The following CIB4 variants were observed in gnomAD, a reference collection of about 807,000 sequenced individuals.
CIB4 encodes the protein calcium and integrin binding family member 4, also known as calcium and integrin-binding family member 4.
A neutral mutation model predicts 25.8 loss-of-function variants in CIB4; 25 were observed. That is an observed-to-expected ratio of 0.97 (90% CI 0.71 to 1.35). The LOEUF is 1.35. CIB4 is among the 40% of genes most tolerant of loss of function. The pLI, the probability that CIB4 is intolerant of heterozygous loss-of-function variation, is 0.00. For synonymous variants in CIB4, 75 were observed against 81.4 expected (o/e 0.92, Z 0.42); for missense variants, 235 against 228.2 (o/e 1.03, Z -0.19).
At position 26,640,515 on chromosome 2, in the gene CIB4, G is replaced by C; in HGVS notation, c.89+18C>G. 1 of 1,612,538 alleles carries C rather than the reference G, an allele frequency of 6.2e-7. No homozygotes were observed. Among genetic ancestry groups the C allele is most frequent in the Non-Finnish European group, 8.5e-7 (1 of 1,179,142 alleles). ...GGAGGAGCTGGGAGAAGGAAAGAGG[G>C]GCGGGGCTTCTACTCACCACAGAAT... On this transcript the variant is annotated intron_variant, in intron 2 of 6. Transcript: ENST00000288861.
At chr2:26,589,281 T>TTCC (rs966342991) in intron 4 of CIB4, among the ~76,000 whole-genome samples, 8 of 148,882 alleles carry the variant, frequency 5.4e-5, no homozygotes, top group South Asian at 2.2e-4. Context: ...TCCTCCTTCT[T>TTCC]TCCTCCTCCT....
At chr2:26,589,000 T>TTCC (rs1311759688) in intron 4 of CIB4, among the ~76,000 whole-genome samples, 674 of 13,282 alleles carry the variant, frequency 0.051, 69 homozygotes, top group South Asian at 0.097. Context: ...CTTCTTCTTC[T>TTCC]TCTTCTTCTT....
intron 4 of CIB4, among the ~76,000 whole-genome samples, chr2:26,587,070 G>A (rs1054776115): frequency 6.6e-6 from 1 of 152,084 alleles, no homozygotes; most frequent in Non-Finnish European, 1.5e-5. Flanking sequence ...ACTTTGGGAG[G>A]CCAAGGCAGG....
intron 2 of CIB4, among the ~76,000 whole-genome samples, chr2:26,630,682 T>C (rs1340208793): frequency 6.6e-6 from 1 of 152,194 alleles, no homozygotes; most frequent in African/African-American, 2.4e-5. Context: ...TGAATCCACC[T>C]GAGCCTCAGT....
In CIB4 at chr2:26,583,881, A is replaced by C. The variant is rs1207507973; in HGVS notation, c.346T>G (p.Phe116Val). The C allele has an allele frequency of 8.1e-6, 13 of 1,611,280 alleles. No homozygotes were observed. Among genetic ancestry groups the C allele is most frequent in the Non-Finnish European group, 6.8e-6 (8 of 1,177,732 alleles). ...FRIYDFNENG[F>V]IDEEDLQRII... ...CTCTGCAGATCCTCCTCATCAATGA[A>C]GCCATTCTCATTAAAATCTGCAAAG... Residue 116 changes from phenylalanine to valine, a missense_variant, in exon 5 of 7, where the codon TTC (phenylalanine) becomes GTC (valine). By Grantham distance (50) the Phe-to-Val change is conservative. Transcript: ENST00000288861.
At chr2:26,602,623 C>T (rs1668813804) in intron 3 of CIB4, among the ~76,000 whole-genome samples, 2 of 152,120 alleles carry the variant, frequency 1.3e-5, no homozygotes, top group Non-Finnish European at 2.9e-5. Context: ...GGTTAGTATA[C>T]ATACCTATAT....
intron 6 of CIB4, among the ~76,000 whole-genome samples, chr2:26,581,611 C>T (rs958982210): frequency 2.0e-5 from 3 of 152,198 alleles, no homozygotes; most frequent in South Asian, 2.1e-4. Flanking sequence ...CCAGAAGGAA[C>T]CTTGTGGTGC....
intron 2 of CIB4, among the ~76,000 whole-genome samples, chr2:26,635,461 T>C (rs1257312249): frequency 2.0e-5 from 3 of 152,236 alleles, no homozygotes; most frequent in Admixed American, 6.5e-5. Flanking sequence ...CTTTTTTAAC[T>C]GGCTAAGTCC....
chr2:26,591,561 C>T (rs1007062886), intron 4 of CIB4, among the ~76,000 whole-genome samples: 11 of 152,174 alleles, frequency 7.2e-5, no homozygotes, highest in Admixed American at 3.9e-4. Flanking sequence ...TCTTGGCAGA[C>T]GAACTCTAGT....
chr2:26,589,667 A>G (rs1329227264), intron 4 of CIB4, among the ~76,000 whole-genome samples: 2 of 152,134 alleles, frequency 1.3e-5, no homozygotes, highest in Non-Finnish European at 2.9e-5. Context: ...CTTTCTTACT[A>G]ACATAACTGC....
chr2:26,588,978 T>TTTCTTCTTCTTCTTCTTCTTCTTC (rs879474454), intron 4 of CIB4, among the ~76,000 whole-genome samples: 8 of 69,936 alleles, frequency 1.1e-4, no homozygotes, highest in African/African-American at 1.6e-4. Context: ...CCGCTTCTTC[T>TTTCTTCTTCTTCTTCTTCTTCTTC]TTCTTCTTCT....
At chr2:26,619,428 T>C (rs1000460700) in intron 3 of CIB4, among the ~76,000 whole-genome samples, 1 of 152,076 alleles carries the variant, frequency 6.6e-6, no homozygotes, top group African/African-American at 2.4e-5. Flanking sequence ...GTGCGGAAGA[T>C]TCTACGAGGG....
At chr2:26,635,107 A>T (rs1200214693) in intron 2 of CIB4, among the ~76,000 whole-genome samples, 7 of 152,250 alleles carry the variant, frequency 4.6e-5, no homozygotes, top group Non-Finnish European at 1.0e-4. Context: ...CAACCAATTC[A>T]AACAGAGTCA....
chr2:26,630,793 A>G (rs1669402661), intron 2 of CIB4, among the ~76,000 whole-genome samples: 1 of 152,034 alleles, frequency 6.6e-6, no homozygotes, highest in Admixed American at 6.5e-5. Context: ...TTGGTAGGTA[A>G]GAGTGTTTGT....
intron 3 of CIB4, among the ~76,000 whole-genome samples, chr2:26,624,680 A>G (rs1161436762): frequency 1.4e-5 from 2 of 143,244 alleles, no homozygotes; most frequent in African/African-American, 5.2e-5. Context: ...CCTGCCTCAA[A>G]AAAAGATTTT....
In CIB4 at chr2:26,640,576, A is replaced by T; in HGVS notation, c.55-9T>A. 1.9e-6 allele frequency: 3 copies of T among 1,611,972 alleles called. No individual in the cohort carries two copies. On this transcript the variant is annotated splice_polypyrimidine_tract_variant and intron_variant, in intron 1 of 6. Coordinates refer to ENST00000288861, the MANE Select transcript of CIB4 (RefSeq NM_001029881.3). Reference sequence around the variant, plus strand: ...GTCAGGAAGGTCAGGGCCTGCAACAAATCACAGAGAAGCGACGTGTCCACT... The same window carrying T: ...GTCAGGAAGGTCAGGGCCTGCAACATATCACAGAGAAGCGACGTGTCCACT...
At chr2:26,597,207 A>G (rs1030277181) in intron 3 of CIB4, among the ~76,000 whole-genome samples, 4 of 152,220 alleles carry the variant, frequency 2.6e-5, no homozygotes, top group Non-Finnish European at 5.9e-5. Flanking sequence ...CAAATAAAGA[A>G]TGTCAGTGGA....
At chr2:26,603,245 G>A (rs560303778) in intron 3 of CIB4, among the ~76,000 whole-genome samples, 9 of 152,208 alleles carry the variant, frequency 5.9e-5, no homozygotes, top group Non-Finnish European at 1.3e-4. Flanking sequence ...CGAAAAACAC[G>A]CAATGACTAA....
At chr2:26,582,409 G>T (rs1668364415) in intron 6 of CIB4, among the ~76,000 whole-genome samples, 2 of 152,152 alleles carry the variant, frequency 1.3e-5, no homozygotes. Context: ...ATAGAATTGG[G>T]TGCTTCTCTC....
Sources: allele counts gnomAD v4.1 joint callset (sites outside exome capture counted in the v4.1 genomes callset), GRCh38; gene constraint gnomAD v4.1.1; transcripts MANE v1.5; gene names NCBI Gene and HGNC (gene_info 2026-07-23, HGNC 2026-07-21).